CC2D1B: variants seen among roughly 807,000 people sequenced by gnomAD.
The protein encoded by CC2D1B is coiled-coil and C2 domain containing 1B, also known as coiled-coil and C2 domain-containing protein 1B.
A neutral mutation model predicts 110.8 loss-of-function variants in CC2D1B; 92 were observed. That is an observed-to-expected ratio of 0.83 (90% CI 0.70 to 0.99). The LOEUF (loss-of-function observed/expected upper bound fraction) is 0.99, where lower values mean the gene tolerates loss of function less well. Among genes scored for constraint, CC2D1B ranks in the 50% least tolerant of loss-of-function variants. The pLI, the probability that CC2D1B is intolerant of heterozygous loss-of-function variation, is 0.00. For synonymous variants in CC2D1B, 406 were observed against 429.2 expected, an observed-to-expected ratio of 0.95 and a Z score of 0.67; for missense variants, 1,136 against 1,089.0, an observed-to-expected ratio of 1.04 and a Z score of -0.61.
At chr1:52,354,131 G>A (rs1440911983) in intron 23 of CC2D1B, among the ~76,000 whole-genome samples, 1 of 152,166 alleles carries the variant, frequency 6.6e-6, no homozygotes, top group Non-Finnish European at 1.5e-5. Context: ...GGCCCAAGAA[G>A]TCCAACCACC....
rs750540998 is a variant in CC2D1B at position 52,357,572 on chromosome 1, G to C, written c.1706C>G (p.Ala569Gly). The C allele has an allele frequency of 8.2e-6, 13 of 1,583,604 alleles. No individual in the cohort carries two copies. The Admixed American group carries it at 2.3e-4, about 28-fold the overall frequency. The change falls in exon 15 of 25, where the codon GCT becomes GGT. Residue 569 changes from alanine to glycine, a missense_variant. Coordinates refer to ENST00000284376, the MANE Select transcript of CC2D1B (RefSeq NM_001330585.2). ...AYLRVAKWLE[A>G]QIIQARSGRP... ...GCCAGATCGGGCCTGGATGATCTGA[G>C]CCTCAAGCCATTTGGCTACCCGCAG... is the stretch of plus-strand genomic sequence containing the variant.
At chr1:52,360,699 T>C in intron 5 of CC2D1B, 150 bp from the exon 6 acceptor site, 1 of 1,224,598 alleles carries the variant, frequency 8.2e-7, no homozygotes, top group Non-Finnish European at 1.1e-6. Flanking sequence ...AAAGGCTCAC[T>C]GGAGAGGCCA....
At chr1:52,360,934 A>G (rs776021519) in intron 5 of CC2D1B, 40 bp downstream of exon 5, 4 of 1,611,004 alleles carry the variant, frequency 2.5e-6, no homozygotes, top group Non-Finnish European at 3.4e-6. Flanking sequence ...CTGGGCGCAC[A>G]GGAGCATCAG....
rs749093150 is a variant in CC2D1B, at chr1:52,357,739, C to T, written c.1580-41G>A. The T allele has an allele frequency of 5.5e-5, 89 of 1,606,334 alleles. 3 individuals carry two copies. The South Asian group carries it at 6.2e-4, about 11-fold the overall frequency. On this transcript the variant is annotated intron_variant, in intron 14 of 24. Coordinates refer to ENST00000284376, the MANE Select transcript of CC2D1B (RefSeq NM_001330585.2). ...CACTGGTTAGGGCCACACCTGCCCTCTCTAGGCCCTCAGTTCTTCACCCTG... is the reference window on the plus strand; with the variant it reads ...CACTGGTTAGGGCCACACCTGCCCTTTCTAGGCCCTCAGTTCTTCACCCTG...
chr1:52,357,941 A>G, intron 13 of CC2D1B, 43 bp from the exon 14 acceptor site: 1 of 1,521,314 alleles, frequency 6.6e-7, no homozygotes, highest in Non-Finnish European at 8.8e-7. Flanking sequence ...TGTGTTCCCT[A>G]GCATAGTCAT....
In CC2D1B at chr1:52,360,542, G is replaced by A. The variant is rs761367002; in HGVS notation, c.485C>T (p.Ala162Val). Residue 162 changes from alanine to valine, a missense_variant, in exon 6 of 25, where the codon GCA becomes GTA. By Grantham distance (64) the Ala-to-Val change is moderately conservative. Coordinates refer to ENST00000284376, the MANE Select transcript of CC2D1B (RefSeq NM_001330585.2). ...TASAPAAQAG[A>V]SQGLHALLEE... The stretch of plus-strand genomic sequence containing the variant: ...CAGCAAAGCGTGTAGCCCCTGAGAT[G>A]CTCCGGCCTATGAACAATTCAGCTA... 16 of 1,613,898 alleles carry A rather than the reference G, an allele frequency of 9.9e-6. 1 individual carries two copies. The East Asian group carries it at 3.6e-4, about 36-fold the overall frequency.
chr1:52,355,875 A>G (rs1280852425), intron 18 of CC2D1B, 31 bp from the exon 19 acceptor site: 2 of 1,609,452 alleles, frequency 1.2e-6, no homozygotes, highest in Admixed American at 3.3e-5. Flanking sequence ...GAAAATGCTC[A>G]AAAGTGAAGG....
rs774322431 is a variant in CC2D1B at position 52,359,101 on chromosome 1, A to G, written c.1183T>C (p.Tyr395His). ...LDALQQRLNK[Y>H]REAGIQARSG... ...CGGGCCTGGATGCCCGCCTCGCGGTACTTGTTCAGCCTCTGCTGCAGGGCA... is the reference window on the plus strand; with the variant it reads ...CGGGCCTGGATGCCCGCCTCGCGGTGCTTGTTCAGCCTCTGCTGCAGGGCA... The change falls in exon 11 of 25, where the codon TAC becomes CAC. Residue 395 changes from tyrosine to histidine, a missense_variant. Coordinates refer to ENST00000284376, the MANE Select transcript of CC2D1B (RefSeq NM_001330585.2). 6.2e-7 allele frequency: 1 copy of G among 1,610,498 alleles called. No individual in the cohort carries two copies. Among genetic ancestry groups the G allele is most frequent in the Non-Finnish European group, 8.5e-7 (1 of 1,180,002 alleles).
intron 4 of CC2D1B, 33 bp from the exon 5 acceptor site, chr1:52,361,165 G>A: frequency 6.2e-7 from 1 of 1,613,178 alleles, no homozygotes; most frequent in Non-Finnish European, 8.5e-7. Flanking sequence ...AGGAGCTTGG[G>A]GGCCTCAAGA....
At chr1:52,358,907 CAG>C in intron 11 of CC2D1B, 118 bp downstream of exon 11, 1 of 1,483,712 alleles carries the variant, frequency 6.7e-7, no homozygotes, top group Non-Finnish European at 9.2e-7. Flanking sequence ...GCAAGAGCCC[CAG>C]AGAGACAAAC....
rs1459782306 is a variant in CC2D1B, at chr1:52,359,534, T to G, written c.943A>C (p.Arg315=). ...AGGGCCTCCAGGACAGCACCGAATCTCTGCAGAAGTTGGAAAAGCAGGTGT... is the reference window on the plus strand; with the variant it reads ...AGGGCCTCCAGGACAGCACCGAATCGCTGCAGAAGTTGGAAAAGCAGGTGT... The part of the protein sequence containing the change: ...RARELMRIGK[R]FGAVLEALEK... Residue 315 remains arginine, a splice_region_variant and synonymous_variant, in exon 9 of 25, where the codon AGA becomes CGA. Coordinates refer to ENST00000284376, the MANE Select transcript of CC2D1B (RefSeq NM_001330585.2). 6.2e-7 allele frequency: 1 copy of G among 1,613,562 alleles called. No homozygotes were observed. Among genetic ancestry groups the G allele is most frequent in the East Asian group, 2.2e-5 (1 of 44,874 alleles).
chr1:52,355,420 C>T lies in CC2D1B; in HGVS notation c.2217G>A (p.Val739=), dbSNP rs903084433. 1 of 1,614,116 alleles carries T rather than the reference C, an allele frequency of 6.2e-7. No homozygotes were observed. The highest frequency in any genetic ancestry group is 1.1e-5 in the South Asian group (1 of 91,080). The change falls in exon 21 of 25, where the codon GTG becomes GTA. Residue 739 remains valine (V), a synonymous_variant. Transcript: ENST00000284376. ...CACCTGGAGAGTTTGTGTTCTTCACCACAGCTGTTTTGCTTTTTTGAGCCT... is the reference window on the plus strand; with the variant it reads ...CACCTGGAGAGTTTGTGTTCTTCACTACAGCTGTTTTGCTTTTTTGAGCCT... ...SDQAQKSKTA[V]VKNTNSPEFD...
Position 52,354,392 on chromosome 1 carries a change from CAAG to C in CC2D1B, c.2430+213_2430+215del, listed in dbSNP as rs776117947. The C allele has an allele frequency of 1.6e-4, 115 of 697,194 alleles. 1 individual carries two copies. The Admixed American group carries it at 2.2e-3, about 14-fold the overall frequency. The allele number at this position is 697,194 out of a possible 1,614,324, so 43.2% of individuals were successfully genotyped here. Reference sequence around the variant, plus strand: ...GTGGAATCCATTGAGTTCATGGAAACAAGGAGGCTGCCTTCTCCTGGGTCCCTC... The same window carrying C: ...GTGGAATCCATTGAGTTCATGGAAACGAGGCTGCCTTCTCCTGGGTCCCTC... On this transcript the variant is annotated intron_variant, in intron 23 of 24. Coordinates refer to ENST00000284376, the MANE Select transcript of CC2D1B (RefSeq NM_001330585.2).
chr1:52,354,747 G>GA, intron 22 of CC2D1B, 49 bp from the exon 23 acceptor site: 1 of 1,605,892 alleles, frequency 6.2e-7, no homozygotes, highest in South Asian at 1.1e-5. Flanking sequence ...GGGAAGGCAG[G>GA]AATGTGCTGG....
intron 21 of CC2D1B, 69 bp downstream of exon 21, chr1:52,355,329 C>T (rs930242473): frequency 2.4e-5 from 37 of 1,527,770 alleles, no homozygotes; most frequent in Non-Finnish European, 3.2e-5. Context: ...GATGGGAACC[C>T]ACTCTGGAAA....
intron 8 of CC2D1B, 65 bp from the exon 9 acceptor site, chr1:52,359,599 A>G: frequency 6.3e-7 from 1 of 1,583,586 alleles, no homozygotes; most frequent in Non-Finnish European, 8.6e-7. Context: ...GGGCTGAAAC[A>G]ACCCCCACTT....
chr1:52,361,432 C>G (rs531510327), intron 4 of CC2D1B, 81 bp downstream of exon 4: 1 of 1,591,800 alleles, frequency 6.3e-7, no homozygotes. Flanking sequence ...AGGGGCACCC[C>G]CAGCCTCCTC....
chr1:52,360,790 G>A (rs1398289178), intron 5 of CC2D1B, 184 bp downstream of exon 5: 3 of 907,498 alleles, frequency 3.3e-6, no homozygotes, highest in Non-Finnish European at 4.9e-6. Context: ...TAGGAGAACA[G>A]AGAGGCCTTT....
intron 15 of CC2D1B, 62 bp downstream of exon 15, chr1:52,357,464 T>TCAAGCCTGC (rs1350446965): frequency 1.0e-5 from 15 of 1,504,974 alleles, no homozygotes; most frequent in Admixed American, 8.1e-5. Flanking sequence ...TCACAGCCTG[T>TCAAGCCTGC]CAAGCCTGCC....
Sources: allele counts gnomAD v4.1 joint callset (sites outside exome capture counted in the v4.1 genomes callset), GRCh38; gene constraint gnomAD v4.1.1; transcripts MANE v1.5; gene names NCBI Gene and HGNC (gene_info 2026-07-23, HGNC 2026-07-21).